Variants in DNMT3A observed in about 807,000 individuals in gnomAD.
The protein encoded by DNMT3A is DNA methyltransferase 3 alpha, also known as DNA (cytosine-5)-methyltransferase 3A.
DNMT3A carries 267 observed loss-of-function variants against 117.6 expected under a neutral mutation model. The ratio of observed to expected loss-of-function variants is 2.27; its 90% CI spans 2.05 to 2.51. The LOEUF is 2.51. DNMT3A is among the 30% of genes most tolerant of loss of function. The probability of loss-of-function intolerance (pLI) is 0.00; values close to 1 mark genes in which losing one functional copy is unlikely to be tolerated. For synonymous variants in DNMT3A, 432 were observed against 474.8 expected (o/e 0.91, Z 1.17); for missense variants, 1,029 against 1,260.2 (o/e 0.82, Z 2.78).
Position 25,239,220 on chromosome 2 carries a change from A to G in DNMT3A, c.2323-5T>C. 1.9e-6 allele frequency: 3 copies of G among 1,613,594 alleles called. No individual in the cohort carries two copies. Among genetic ancestry groups the G allele is most frequent in the Non-Finnish European group, 2.5e-6 (3 of 1,179,658 alleles). On this transcript the variant is annotated splice_polypyrimidine_tract_variant and splice_region_variant and intron_variant, in intron 19 of 22. Transcript: ENST00000321117. ...ATCAATCATCACAGGGTTGGACTACAAAACAGGAGACGGTTTGAAGATGAG... is the reference window on the plus strand; with the variant it reads ...ATCAATCATCACAGGGTTGGACTACGAAACAGGAGACGGTTTGAAGATGAG...
intron 3 of DNMT3A, among the ~76,000 whole-genome samples, chr2:25,290,242 C>T (rs750772181): frequency 1.7e-4 from 26 of 152,036 alleles, no homozygotes; most frequent in African/African-American, 5.1e-4. Flanking sequence ...TCAAATTCAA[C>T]GATTTTCCTA....
rs897895642 is a variant in DNMT3A at position 25,254,868 on chromosome 2, T to C, written c.640-6616A>G. Among the ~76,000 whole-genome samples, 1 of 152,236 alleles carries C rather than the reference T, an allele frequency of 6.6e-6. No individual in the cohort carries two copies. The highest frequency in any genetic ancestry group is 2.4e-5 in the African/African-American group (1 of 41,460). On this transcript the variant is annotated intron_variant, in intron 6 of 22. Coordinates refer to ENST00000321117, the MANE Select transcript of DNMT3A (RefSeq NM_022552.5). The surrounding 1 kb of genome is among the most constrained non-coding windows in gnomAD (Gnocchi z 4.7). ...GGGACATAAGACTGCAATGATGCCG[T>C]GCGTGCAGCAAGGACTCAAGGTGTC...
chr2:25,303,533 C>G (rs569537170), intron 2 of DNMT3A, among the ~76,000 whole-genome samples: 1 of 152,178 alleles, frequency 6.6e-6, no homozygotes. Flanking sequence ...CCAGAGAGGG[C>G]GGGGAGTGCC....
rs201869220 is a variant in DNMT3A, at chr2:25,300,286, A to G, written c.73-43T>C. On this transcript the variant is annotated intron_variant, in intron 2 of 22. Transcript: ENST00000321117. ...GCCTGTGAGGCCAGAGGTGGATCCCAGCAGTGTAGCATTCCAGGCCTGTCT... is the reference window on the plus strand; with the variant it reads ...GCCTGTGAGGCCAGAGGTGGATCCCGGCAGTGTAGCATTCCAGGCCTGTCT... 1.9e-4 allele frequency: 297 copies of G among 1,591,664 alleles called. 1 individual carries two copies. In the African/African-American group the frequency reaches 3.7e-3, roughly 20 times the overall value.
chr2:25,309,554 C>CG (rs897740234), intron 2 of DNMT3A, among the ~76,000 whole-genome samples: 4 of 152,082 alleles, frequency 2.6e-5, no homozygotes, highest in African/African-American at 9.7e-5. Flanking sequence ...ACATCACCAC[C>CG]GGGGGGCACT....
At chr2:25,315,734 C>T (rs1382102301) in intron 1 of DNMT3A, among the ~76,000 whole-genome samples, 1 of 152,154 alleles carries the variant, frequency 6.6e-6, no homozygotes, top group African/African-American at 2.4e-5. Context: ...GGTTCACGTC[C>T]CCCAACACAC....
chr2:25,249,791 A>T, intron 6 of DNMT3A: 1 of 1,567,844 alleles, frequency 6.4e-7, no homozygotes, highest in Non-Finnish European at 8.8e-7. Context: ...TGAATCTAGG[A>T]AACACGGCCC....
intron 9 of DNMT3A, 110 bp from the exon 10 acceptor site, chr2:25,246,886 G>A (rs1674860750): frequency 6.5e-7 from 1 of 1,534,162 alleles, no homozygotes; most frequent in East Asian, 2.3e-5. Flanking sequence ...AAGATGGGGA[G>A]GAACCGCTGA....
rs1397851510 is a variant in DNMT3A, at chr2:25,292,223, G to A, written c.177+7916C>T. On this transcript the variant is annotated intron_variant, in intron 3 of 22. Coordinates refer to ENST00000321117, the MANE Select transcript of DNMT3A (RefSeq NM_022552.5). ...AAATTAGCCAGGCATGGTGGTGCAC[G>A]CCTGTAATCCCAGCTACTCAGAAAA... 5.3e-5 allele frequency among the ~76,000 whole-genome samples: 8 copies of A among 152,176 alleles called. No homozygotes were observed. In the East Asian group the frequency reaches 1.5e-3, roughly 29 times the overall value.
chr2:25,338,690 G>T (rs923254074), intron 1 of DNMT3A, among the ~76,000 whole-genome samples: 1 of 152,208 alleles, frequency 6.6e-6, no homozygotes, highest in African/African-American at 2.4e-5. Context: ...TGAGAGCGGG[G>T]ACAGACACAT....
chr2:25,230,278 C>T lies in DNMT3A; in HGVS notation c.*4001G>A, dbSNP rs145260949. On this transcript the variant is annotated 3_prime_UTR_variant, in exon 23 of 23. Transcript: ENST00000321117. ...TGCCGGTGCACCAGCCTGTCGCTCC[C>T]GTGGGGCGGGGGGTTAGTACCAGCC... 1,160 of 152,462 alleles carry T rather than the reference C, an allele frequency of 7.6e-3. 5 individuals are homozygous for T. The highest frequency in any genetic ancestry group is 0.012 in the Non-Finnish European group (786 of 68,142). 9.4% of individuals were successfully genotyped at this position (152,462 alleles called of 1,614,324 possible). A position where few individuals can be genotyped will look rare whatever the true frequency, so the allele number is the denominator to read the frequency against.
chr2:25,309,628 G>A (rs2033991482), intron 2 of DNMT3A, among the ~76,000 whole-genome samples: 1 of 152,210 alleles, frequency 6.6e-6, no homozygotes, highest in Non-Finnish European at 1.5e-5. Flanking sequence ...CCTCATTCCA[G>A]CCTCAGCACT....
At chr2:25,299,556 G>T (rs2033299078) in intron 3 of DNMT3A, among the ~76,000 whole-genome samples, 1 of 152,172 alleles carries the variant, frequency 6.6e-6, no homozygotes, top group African/African-American at 2.4e-5. Flanking sequence ...CAGGAGTCAG[G>T]GGCCTGGTCC....
chr2:25,333,008 A>G (rs2035072820), intron 1 of DNMT3A, among the ~76,000 whole-genome samples: 1 of 152,202 alleles, frequency 6.6e-6, no homozygotes, highest in Admixed American at 6.5e-5. Context: ...GGCCTTGAGC[A>G]GGCTACTGGG....
rs965305229 is a variant in DNMT3A, at chr2:25,305,220, C to T, written c.73-4977G>A. Among the ~76,000 whole-genome samples the T allele has an allele frequency of 1.3e-5, 2 of 152,232 alleles. No individual in the cohort carries two copies. Among genetic ancestry groups the T allele is most frequent in the Admixed American group, 6.5e-5 (1 of 15,290 alleles). ...AGATTAGGAAACAAGAGGACTAAAA[C>T]GTCCCTTCTAGACTTAAACATAATT... On this transcript the variant is annotated intron_variant, in intron 2 of 22. Transcript: ENST00000321117. The surrounding 1 kb of genome is among the most constrained non-coding windows in gnomAD (Gnocchi z 4.1).
At chr2:25,272,918 C>G (rs536259244) in intron 6 of DNMT3A, among the ~76,000 whole-genome samples, 10 of 150,480 alleles carry the variant, frequency 6.6e-5, no homozygotes, top group Admixed American at 2.7e-4. Flanking sequence ...TCTCCTGCCT[C>G]AGCCTCTTGA....
At position 25,252,456 on chromosome 2, in the gene DNMT3A, C is replaced by T; in HGVS notation, c.640-4204G>A. On this transcript the variant is annotated intron_variant, in intron 6 of 22. Coordinates refer to ENST00000321117, the MANE Select transcript of DNMT3A (RefSeq NM_022552.5). This position sits in a 1 kb window ranked among gnomAD's most constrained non-coding sequence, Gnocchi z 5.5. ...GAGGGGGCCGGCGCTCCGACGCTGG[C>T]GCTGGGCCAGCCCCTCTTCTCCGGT... 7.4e-6 allele frequency: 3 copies of T among 405,380 alleles called. No homozygotes were observed. Among genetic ancestry groups the T allele is most frequent in the Non-Finnish European group, 1.3e-5 (3 of 227,956 alleles). 25.1% of individuals were successfully genotyped at this position (405,380 alleles called of 1,614,324 possible).
intron 12 of DNMT3A, 60 bp downstream of exon 12, chr2:25,245,960 C>A: frequency 6.2e-7 from 1 of 1,610,156 alleles, no homozygotes; most frequent in Non-Finnish European, 8.5e-7. Flanking sequence ...TCCTAAGTGC[C>A]TCTGCTACTC....
Position 25,274,938 on chromosome 2 carries a change from C to T in DNMT3A, c.639+3G>A, listed in dbSNP as rs757752931. 2 of 1,606,880 alleles carry T rather than the reference C, an allele frequency of 1.2e-6. No homozygotes were observed. Among genetic ancestry groups the T allele is most frequent in the African/African-American group, 2.7e-5 (2 of 74,804 alleles). On this transcript the variant is annotated splice_donor_region_variant and intron_variant, in intron 6 of 22. Coordinates refer to ENST00000321117, the MANE Select transcript of DNMT3A (RefSeq NM_022552.5). ...CTGGGGCCCAGGCCAGAAGGCGCCTCACCTCCCTTTTCCAGCGTGCCAGCC... is the reference window on the plus strand; with the variant it reads ...CTGGGGCCCAGGCCAGAAGGCGCCTTACCTCCCTTTTCCAGCGTGCCAGCC...
Sources: allele counts gnomAD v4.1 joint callset (sites outside exome capture counted in the v4.1 genomes callset), GRCh38; gene constraint gnomAD v4.1.1; non-coding constraint Gnocchi (gnomAD v3.1); transcripts MANE v1.5; gene names NCBI Gene and HGNC (gene_info 2026-07-23, HGNC 2026-07-21).